Variants in FBN2 observed in about 807,000 individuals in gnomAD.
FBN2 encodes fibrillin 2, also known as fibrillin-2.
In FBN2, 105 loss-of-function variants were observed where a neutral mutation model predicts 355.6. The observed-to-expected ratio is 0.30, with a 90% CI of 0.25 to 0.35. The LOEUF (loss-of-function observed/expected upper bound fraction) is 0.35. FBN2 is among the 10% of genes least tolerant of loss of function. The pLI, the probability that FBN2 is intolerant of heterozygous loss-of-function variation, is 1.00. For missense variants in FBN2, 3,280 were observed against 3,758.7 expected, an observed-to-expected ratio of 0.87 and a Z score of 3.33; for synonymous variants, 1,350 against 1,301.2, an observed-to-expected ratio of 1.04 and a Z score of -0.81.
At chr5:128,493,401 A>G (rs1755563763) in intron 5 of FBN2, among the ~76,000 whole-genome samples, 1 of 152,200 alleles carries the variant, frequency 6.6e-6, no homozygotes, top group Admixed American at 6.5e-5. Context: ...AGATAATAAT[A>G]ATGATGATAA....
chr5:128,352,643 T>C (rs39941), intron 20 of FBN2, among the ~76,000 whole-genome samples: 45,312 of 152,098 alleles, frequency 0.3, 7,120 homozygotes, highest in Non-Finnish European at 0.35. Flanking sequence ...CTCAGTTAAG[T>C]GTGCATAATA....
intron 11 of FBN2, among the ~76,000 whole-genome samples, chr5:128,389,570 C>T (rs1395203285): frequency 6.6e-6 from 1 of 152,152 alleles, no homozygotes. Flanking sequence ...AAGGCCAAAG[C>T]CCCCTAAAGG....
intron 39 of FBN2, among the ~76,000 whole-genome samples, chr5:128,310,916 T>C (rs557801214): frequency 4.3e-4 from 65 of 152,218 alleles, no homozygotes; most frequent in African/African-American, 1.4e-3. Context: ...CTTCATACCA[T>C]ATAGTCCAAC....
At chr5:128,398,164 A>G (rs1325981090) in intron 8 of FBN2, among the ~76,000 whole-genome samples, 1 of 152,134 alleles carries the variant, frequency 6.6e-6, no homozygotes, top group Non-Finnish European at 1.5e-5. Flanking sequence ...AGACACTCCA[A>G]GCAACTCACA....
chr5:128,436,473 T>G (rs1394789994), intron 7 of FBN2, among the ~76,000 whole-genome samples: 1 of 152,192 alleles, frequency 6.6e-6, no homozygotes, highest in Non-Finnish European at 1.5e-5. Context: ...TACTCTATGC[T>G]CTGCCTCCCA....
rs146170586 is a variant in FBN2 at position 128,319,807 on chromosome 5, A to G, written c.4472-806T>C. Among the ~76,000 whole-genome samples, 216 of 152,288 alleles carry G rather than the reference A, an allele frequency of 1.4e-3. 1 individual carries two copies. Among genetic ancestry groups the G allele is most frequent in the African/African-American group, 4.7e-3 (197 of 41,578 alleles). ...TCACTCCTCACTCAGGTGAAAATCAATGTGTATGTATAGCTGTGGAAATAA... is the reference window on the plus strand; with the variant it reads ...TCACTCCTCACTCAGGTGAAAATCAGTGTGTATGTATAGCTGTGGAAATAA... On this transcript the variant is annotated intron_variant, in intron 34 of 64. Coordinates refer to ENST00000262464, the MANE Select transcript of FBN2 (RefSeq NM_001999.4).
chr5:128,259,649 G>C lies in FBN2; in HGVS notation c.8545C>G (p.Gln2849Glu). The C allele has an allele frequency of 1.2e-6, 2 of 1,614,010 alleles. No individual in the cohort carries two copies. The highest frequency in any genetic ancestry group is 1.7e-6 in the Non-Finnish European group (2 of 1,179,982). Residue 2849 changes from glutamine to glutamate, a missense_variant, in exon 65 of 65, where the codon CAA (glutamine) becomes GAA (glutamate). Coordinates refer to ENST00000262464, the MANE Select transcript of FBN2 (RefSeq NM_001999.4). ...TGCAAGTAGCTGAGCCCATTCCTTT[G>C]GTGGATGCGGAAGACGCTGTCATCG... ...GNDDSVFRIH[Q>E]RNGLSYLHTA... is the part of the protein sequence containing the mutation.
At chr5:128,449,431 T>C in intron 6 of FBN2, among the ~76,000 whole-genome samples, 1 of 140,144 alleles carries the variant, frequency 7.1e-6, no homozygotes, top group South Asian at 2.2e-4. Flanking sequence ...TATAATAGTA[T>C]ACTGTATAAT....
At chr5:128,342,832 G>C (rs755848559) in intron 25 of FBN2, among the ~76,000 whole-genome samples, 1 of 151,816 alleles carries the variant, frequency 6.6e-6, no homozygotes, top group African/African-American at 2.4e-5. Flanking sequence ...GGGTTTAAGC[G>C]ATCCTCCTGC....
chr5:128,434,424 A>ATG lies in FBN2; in HGVS notation c.952+12055_952+12056dup, dbSNP rs1554068965. 6.6e-3 allele frequency among the ~76,000 whole-genome samples: 859 copies of ATG among 130,488 alleles called. 84 individuals are homozygous for ATG. The highest frequency in any genetic ancestry group is 0.025 in the African/African-American group (793 of 31,182). 85.6% of individuals were successfully genotyped at this position (130,488 alleles called of 152,430 possible). ...TATATATATATATATATATATATAT[A>ATG]TGGGCAGTAAGTGACAGCACTGGCG... is the stretch of plus-strand genomic sequence containing the variant. On this transcript the variant is annotated intron_variant, in intron 7 of 64. Transcript: ENST00000262464.
chr5:128,403,182 T>G lies in FBN2; in HGVS notation c.1078+5492A>C, dbSNP rs560000840. ...AATAATTCTGTACCTTGCCCTTTTCTTGAAAAAGGAAAAAAAAAACCCATA... is the reference window on the plus strand; with the variant it reads ...AATAATTCTGTACCTTGCCCTTTTCGTGAAAAAGGAAAAAAAAAACCCATA... On this transcript the variant is annotated intron_variant, in intron 8 of 64. Coordinates refer to ENST00000262464, the MANE Select transcript of FBN2 (RefSeq NM_001999.4). 3.9e-5 allele frequency among the ~76,000 whole-genome samples: 6 copies of G among 152,084 alleles called. 1 individual carries two copies. Among genetic ancestry groups the G allele is most frequent in the African/African-American group, 1.4e-4 (6 of 41,472 alleles).
At chr5:128,386,399 G>A (rs1297876021) in intron 11 of FBN2, among the ~76,000 whole-genome samples, 1 of 152,058 alleles carries the variant, frequency 6.6e-6, no homozygotes, top group African/African-American at 2.4e-5. Context: ...TTTTGTACCA[G>A]TACTGTACTG....
chr5:128,524,626 T>C (rs1057327874), intron 4 of FBN2, among the ~76,000 whole-genome samples: 2 of 152,172 alleles, frequency 1.3e-5, no homozygotes, highest in Non-Finnish European at 1.5e-5. Flanking sequence ...ATTCATAAAT[T>C]GAAAAATGTT....
chr5:128,264,349 C>T lies in FBN2; in HGVS notation c.7961-693G>A, dbSNP rs535263140. Among the ~76,000 whole-genome samples, 119 of 152,086 alleles carry T rather than the reference C, an allele frequency of 7.8e-4. 1 individual carries two copies. Among genetic ancestry groups the T allele is most frequent in the African/African-American group, 2.7e-3 (111 of 41,498 alleles). On this transcript the variant is annotated intron_variant, in intron 62 of 64. Coordinates refer to ENST00000262464, the MANE Select transcript of FBN2 (RefSeq NM_001999.4). The stretch of plus-strand genomic sequence containing the variant: ...AAATCAGTTGAACGAACAACTAGTT[C>T]AGTTTAAAATGCTTGAGAACCCATT...
chr5:128,492,361 T>C (rs951315998), intron 5 of FBN2, among the ~76,000 whole-genome samples: 3 of 152,182 alleles, frequency 2.0e-5, no homozygotes, highest in Non-Finnish European at 2.9e-5. Flanking sequence ...ATGAGCCATG[T>C]AGGTAATAAA....
At chr5:128,278,607 A>G (rs1196103943) in intron 57 of FBN2, 28 bp downstream of exon 57, 2 of 1,581,750 alleles carry the variant, frequency 1.3e-6, no homozygotes, top group Admixed American at 3.3e-5. Context: ...TGTGTTGATT[A>G]TATGAATAAA....
chr5:128,408,899 A>C, intron 7 of FBN2, 100 bp from the exon 8 acceptor site: 1 of 1,270,554 alleles, frequency 7.9e-7, no homozygotes, highest in Middle Eastern at 1.9e-4. Flanking sequence ...TTCATGGTTG[A>C]TTAGGTCAGA....
chr5:128,259,677 C>T lies in FBN2; in HGVS notation c.8517G>A (p.Gly2839=). 1 of 1,613,948 alleles carries T rather than the reference C, an allele frequency of 6.2e-7. No homozygotes were observed. Among genetic ancestry groups the T allele is most frequent in the Non-Finnish European group, 8.5e-7 (1 of 1,179,982 alleles). ...GGATGCGGAAGACGCTGTCATCGTT[C>T]CCTTGAGAGATGACATAACGGATGT... is the stretch of plus-strand genomic sequence containing the variant. ...NNHIRYVISQ[G]NDDSVFRIHQ... The change falls in exon 65 of 65, where the codon GGG becomes GGA. Residue 2839 remains glycine (G), a synonymous_variant. Coordinates refer to ENST00000262464, the MANE Select transcript of FBN2 (RefSeq NM_001999.4).
At chr5:128,443,386 A>C (rs1251134780) in intron 7 of FBN2, among the ~76,000 whole-genome samples, 1 of 152,240 alleles carries the variant, frequency 6.6e-6, no homozygotes, top group East Asian at 1.9e-4. Context: ...AAATAAACTA[A>C]CTTATTATAT....
Sources: gnomAD v4.1 joint callset for allele counts (sites outside exome capture counted in the v4.1 genomes callset) on GRCh38, gnomAD v4.1.1 for gene constraint, MANE v1.5 for transcripts, NCBI Gene and HGNC (gene_info 2026-07-23, HGNC 2026-07-21) for gene names.